Variants in MEGF6 observed in about 807,000 individuals in gnomAD.
MEGF6 encodes the protein multiple epidermal growth factor-like domains protein 6.
In MEGF6, 184 loss-of-function variants were observed where a neutral mutation model predicts 207.1. The ratio of observed to expected loss-of-function variants is 0.89; its 90% CI spans 0.79 to 1.00. The LOEUF is 1.00. MEGF6 is among the 50% of genes least tolerant of loss of function. MEGF6 has a pLI of 0.00. For missense variants in MEGF6, 2,282 were observed against 2,202.9 expected, an observed-to-expected ratio of 1.04 and a Z score of -0.72; for synonymous variants, 1,038 against 910.0, an observed-to-expected ratio of 1.14 and a Z score of -2.53.
intron 4 of MEGF6, among the ~76,000 whole-genome samples, chr1:3,558,348 A>C (rs1179814495): frequency 6.6e-6 from 1 of 152,160 alleles, no homozygotes; most frequent in African/African-American, 2.4e-5. Flanking sequence ...AAAACTGAAC[A>C]TCTAGGTCTG....
chr1:3,514,357 C>A (rs1438725917), intron 7 of MEGF6, among the ~76,000 whole-genome samples, 193 bp downstream of exon 7: 1 of 152,238 alleles, frequency 6.6e-6, no homozygotes, highest in East Asian at 1.9e-4. Flanking sequence ...CTTTTGCGAG[C>A]CTTCCTACCC....
Position 3,497,273 on chromosome 1 carries a change from G to A in MEGF6, c.3441C>T (p.Cys1147=). ...GAACHHVTGA[C]RCPPGFTGSG... is the part of the protein sequence containing the mutation. ...AGCCAGTGAAGCCAGGGGGACAGCG[G>A]CAGGCCCCAGTGACGTGGTGGCAGG... Residue 1147 remains cysteine, a synonymous_variant, in exon 27 of 37, where the codon TGC becomes TGT. Coordinates refer to ENST00000356575, the MANE Select transcript of MEGF6 (RefSeq NM_001409.4). 6.5e-7 allele frequency: 1 copy of A among 1,548,642 alleles called. No homozygotes were observed. The highest frequency in any genetic ancestry group is 8.7e-7 in the Non-Finnish European group (1 of 1,149,664).
chr1:3,554,611 G>T (rs1642981470), intron 4 of MEGF6, among the ~76,000 whole-genome samples: 1 of 152,186 alleles, frequency 6.6e-6, no homozygotes, highest in South Asian at 2.1e-4. Context: ...TCCAAAGTGA[G>T]AATGACTGGG....
intron 4 of MEGF6, among the ~76,000 whole-genome samples, chr1:3,543,872 T>G (rs1385215655): frequency 6.6e-6 from 1 of 152,194 alleles, no homozygotes; most frequent in African/African-American, 2.4e-5. Flanking sequence ...GGAGTTGACA[T>G]TCCAGAGGCA....
chr1:3,568,050 G>A (rs887258398), intron 4 of MEGF6, among the ~76,000 whole-genome samples: 2 of 152,178 alleles, frequency 1.3e-5, no homozygotes, highest in African/African-American at 4.8e-5. Flanking sequence ...TCCCATAAAC[G>A]CCAGAGAGGC....
chr1:3,496,906 C>A, intron 28 of MEGF6, 82 bp downstream of exon 28: 1 of 1,526,400 alleles, frequency 6.6e-7, no homozygotes, highest in Non-Finnish European at 8.8e-7. Flanking sequence ...CAGATGAGGG[C>A]CTTCCCGGGG....
rs913940907 is a variant in MEGF6 at position 3,514,635 on chromosome 1, C to G, written c.768G>C (p.Met256Ile). 4 of 1,581,524 alleles carry G rather than the reference C, an allele frequency of 2.5e-6. No homozygotes were observed. The highest frequency in any genetic ancestry group is 3.4e-6 in the Non-Finnish European group (4 of 1,166,156). Reference protein sequence around the residue: ...SPCANRNGSCMHRCQVVRGLA... With the variant: ...SPCANRNGSCIHRCQVVRGLA... ...GGCCCCGGACCACCTGGCACCTGTG[C>G]ATGCAGCTGCCGTTCCTGTTGGCAC... The change falls in exon 7 of 37, where the codon ATG becomes ATC. Residue 256 changes from methionine to isoleucine, a missense_variant. Coordinates refer to ENST00000356575, the MANE Select transcript of MEGF6 (RefSeq NM_001409.4).
Position 3,498,838 on chromosome 1 carries a change from G to T in MEGF6, c.3095-12C>A, listed in dbSNP as rs775566172. The T allele has an allele frequency of 1.7e-5, 27 of 1,549,054 alleles. No homozygotes were observed. The highest frequency in any genetic ancestry group is 2.3e-5 in the Non-Finnish European group (26 of 1,146,444). On this transcript the variant is annotated splice_polypyrimidine_tract_variant and intron_variant, in intron 24 of 36. Transcript: ENST00000356575. ...GCCGGCAGGGCAGGCTGGGGCCAGG[G>T]AAGAGGGAGCAACCTGCATCCCCCA...
chr1:3,495,749 C>T lies in MEGF6; in HGVS notation c.3871+141G>A, dbSNP rs146068206. On this transcript the variant is annotated intron_variant, in intron 30 of 36. Coordinates refer to ENST00000356575, the MANE Select transcript of MEGF6 (RefSeq NM_001409.4). Reference sequence around the variant, plus strand: ...ACAAGCTACAGCACTCTCATCTCAGCCCCAGGGTCAAGTGGGGAGCTGGTG... The same window carrying T: ...ACAAGCTACAGCACTCTCATCTCAGTCCCAGGGTCAAGTGGGGAGCTGGTG... The T allele has an allele frequency of 4.2e-4, 454 of 1,092,318 alleles. 1 individual carries two copies. In the African/African-American group the frequency reaches 5.8e-3, roughly 14 times the overall value. The allele number at this position is 1,092,318 out of a possible 1,614,324, so 67.7% of individuals were successfully genotyped here.
chr1:3,605,138 ACACAGTCACACACT>A (rs747451991), intron 1 of MEGF6, among the ~76,000 whole-genome samples: 2 of 132,220 alleles, frequency 1.5e-5, no homozygotes, highest in East Asian at 2.3e-4. Context: ...ACACACCCAC[ACACAGTCACACACT>A]CACAGTCACA....
chr1:3,502,093 GCCT>G (rs1640925730), intron 17 of MEGF6, among the ~76,000 whole-genome samples, 172 bp from the exon 18 acceptor site: 3 of 8,066 alleles, frequency 3.7e-4, no homozygotes, highest in Admixed American at 1.5e-3. Flanking sequence ...GCCCCCCCGC[GCCT>G]CCTCACATGG....
chr1:3,495,795 T>A, intron 30 of MEGF6, 95 bp downstream of exon 30: 2 of 1,460,132 alleles, frequency 1.4e-6, no homozygotes, highest in Non-Finnish European at 1.8e-6. Flanking sequence ...TGTGCGGGTG[T>A]CTGGGCTGGG....
intron 4 of MEGF6, among the ~76,000 whole-genome samples, chr1:3,555,252 G>A (rs969195799): frequency 6.7e-6 from 1 of 150,362 alleles, no homozygotes; most frequent in Non-Finnish European, 1.5e-5. Context: ...AGCTGGGCAC[G>A]AAGAGGGTGT....
chr1:3,505,917 C>T (rs1641096400), intron 15 of MEGF6, among the ~76,000 whole-genome samples, 191 bp downstream of exon 15: 1 of 152,244 alleles, frequency 6.6e-6, no homozygotes, highest in Non-Finnish European at 1.5e-5. Flanking sequence ...TGGATGCCAG[C>T]ACAGTCACAG....
At chr1:3,602,627 G>A (rs754794744) in intron 1 of MEGF6, 27 bp from the exon 2 acceptor site, 32 of 1,582,102 alleles carry the variant, frequency 2.0e-5, no homozygotes, top group South Asian at 8.0e-5. Context: ...GAGAGTCAGC[G>A]CCTCGGCCAC....
At chr1:3,563,588 A>G (rs1570145240) in intron 4 of MEGF6, among the ~76,000 whole-genome samples, 1 of 152,308 alleles carries the variant, frequency 6.6e-6, no homozygotes, top group Non-Finnish European at 1.5e-5. Context: ...AGAAGAACGC[A>G]CTTTGCTGAC....
chr1:3,498,393 C>CCAGCCGGCTGGGCAGAGG lies in MEGF6; in HGVS notation c.3312_3329dup (p.Cys1104_Gly1109dup). 1.2e-6 allele frequency: 2 copies of CCAGCCGGCTGGGCAGAGG among 1,601,598 alleles called. No homozygotes were observed. The highest frequency in any genetic ancestry group is 1.7e-6 in the Non-Finnish European group (2 of 1,177,108). The stretch of plus-strand genomic sequence containing the variant: ...CACGGCTCTGACACTTGTCCCCAGT[C>CCAGCCGGCTGGGCAGAGG]CAGCCGGCTGGGCAGAGGCAGCGGC... On this transcript the variant is annotated inframe_insertion, in exon 26 of 37. Coordinates refer to ENST00000356575, the MANE Select transcript of MEGF6 (RefSeq NM_001409.4).
At chr1:3,572,885 T>TTCCTGGGTGTGCTGGGTTC (rs1306936084) in intron 4 of MEGF6, among the ~76,000 whole-genome samples, 63 of 124,520 alleles carry the variant, frequency 5.1e-4, no homozygotes, top group African/African-American at 1.7e-3. Flanking sequence ...TGCTGGGTCC[T>TTCCTGGGTGTGCTGGGTTC]TCCTGGGTGT....
chr1:3,582,068 C>T (rs1197824734), intron 3 of MEGF6, among the ~76,000 whole-genome samples: 1 of 152,238 alleles, frequency 6.6e-6, no homozygotes, highest in Non-Finnish European at 1.5e-5. Context: ...GCGGAGCTGA[C>T]TCTGCCGGCG....
Sources: allele counts gnomAD v4.1 joint callset (sites outside exome capture counted in the v4.1 genomes callset), GRCh38; gene constraint gnomAD v4.1.1; transcripts MANE v1.5; gene names NCBI Gene and HGNC (gene_info 2026-07-23, HGNC 2026-07-21).